CLSTN2: variants seen among roughly 807,000 people sequenced by gnomAD.
CLSTN2 encodes calsyntenin-2.
A neutral mutation model predicts 101.2 loss-of-function variants in CLSTN2; 48 were observed. The ratio of observed to expected loss-of-function variants is 0.47; its 90% CI spans 0.38 to 0.60. The LOEUF (loss-of-function observed/expected upper bound fraction) is 0.60. Among genes scored for constraint, CLSTN2 ranks in the 20% least tolerant of loss-of-function variants. The pLI, the probability that CLSTN2 is intolerant of heterozygous loss-of-function variation, is 0.00. For missense variants in CLSTN2, 1,160 were observed against 1,238.2 expected (o/e 0.94, Z 0.95); for synonymous variants, 481 against 463.6 (o/e 1.04, Z -0.48).
chr3:140,137,173 T>G (rs1447774117), intron 1 of CLSTN2, among the ~76,000 whole-genome samples: 1 of 152,142 alleles, frequency 6.6e-6, no homozygotes, highest in Non-Finnish European at 1.5e-5. Context: ...CAAAGAGAAT[T>G]CTATCTTTCT....
intron 2 of CLSTN2, among the ~76,000 whole-genome samples, chr3:140,320,160 A>G (rs1479207734): frequency 1.3e-5 from 2 of 152,306 alleles, no homozygotes; most frequent in East Asian, 3.9e-4. Context: ...GGAGCTCTGC[A>G]TGGTGCAAGC....
intron 2 of CLSTN2, among the ~76,000 whole-genome samples, chr3:140,268,623 A>C (rs376282601): frequency 6.6e-6 from 1 of 152,186 alleles, no homozygotes; most frequent in South Asian, 2.1e-4. Flanking sequence ...CATTGTGCAA[A>C]TTAGGAGAAG....
chr3:140,011,472 A>G (rs1401174446), intron 1 of CLSTN2, among the ~76,000 whole-genome samples: 1 of 152,172 alleles, frequency 6.6e-6, no homozygotes, highest in Non-Finnish European at 1.5e-5. Flanking sequence ...ACTATGTGCT[A>G]TGTGACCAGA....
intron 1 of CLSTN2, among the ~76,000 whole-genome samples, chr3:140,034,316 TG>T (rs764213677): frequency 1.1e-4 from 16 of 152,290 alleles, no homozygotes; most frequent in Non-Finnish European, 8.8e-5. Context: ...AGTAGTGCTA[TG>T]GGGAAGCAAC....
intron 8 of CLSTN2, among the ~76,000 whole-genome samples, chr3:140,504,774 T>G (rs1259563167): frequency 6.6e-6 from 1 of 152,206 alleles, no homozygotes; most frequent in Non-Finnish European, 1.5e-5. Flanking sequence ...GTATAAGGAC[T>G]ATTCCACCTT....
intron 5 of CLSTN2, among the ~76,000 whole-genome samples, chr3:140,446,906 C>T (rs912970117): frequency 6.6e-6 from 1 of 152,198 alleles, no homozygotes; most frequent in African/African-American, 2.4e-5. Flanking sequence ...CTGCCTCTCT[C>T]CCTAGGCTCC....
At chr3:140,329,390 A>G (rs1260892717) in intron 2 of CLSTN2, among the ~76,000 whole-genome samples, 1 of 152,186 alleles carries the variant, frequency 6.6e-6, no homozygotes, top group Non-Finnish European at 1.5e-5. Flanking sequence ...TCTCCTAAAT[A>G]AATAAATATA....
chr3:140,092,023 A>G (rs1228905941), intron 1 of CLSTN2, among the ~76,000 whole-genome samples: 4 of 152,194 alleles, frequency 2.6e-5, no homozygotes, highest in African/African-American at 9.6e-5. Context: ...TACAGAGAGC[A>G]GGTCCTGGGA....
chr3:140,427,246 C>CATATACAT (rs2088582686), intron 5 of CLSTN2, among the ~76,000 whole-genome samples: 1 of 109,262 alleles, frequency 9.2e-6, no homozygotes, highest in South Asian at 2.6e-4. Flanking sequence ...TATATATATA[C>CATATACAT]ATATATATAT....
rs775974055 is a variant in CLSTN2 at position 140,518,257 on chromosome 3, T to TA, written c.1345-14067_1345-14066insA. Among the ~76,000 whole-genome samples, 309 of 152,330 alleles carry TA rather than the reference T, an allele frequency of 2.0e-3. 3 individuals are homozygous for TA. The highest frequency in any genetic ancestry group is 3.5e-3 in the Admixed American group (53 of 15,308). ...AGAAAGCAAGCAGGGCTTTCAGGAT[T>TA]TATGCCTTCCCACCTGTAGCAACTT... On this transcript the variant is annotated intron_variant, in intron 8 of 16. Coordinates refer to ENST00000458420, the MANE Select transcript of CLSTN2 (RefSeq NM_022131.3).
chr3:140,221,791 T>C (rs935691897), intron 2 of CLSTN2, among the ~76,000 whole-genome samples: 1 of 152,110 alleles, frequency 6.6e-6, no homozygotes. Context: ...AGGTAGCATC[T>C]CACTCCAGTT....
intron 2 of CLSTN2, among the ~76,000 whole-genome samples, chr3:140,203,563 G>A (rs1438243349): frequency 2.2e-5 from 3 of 138,794 alleles, no homozygotes; most frequent in African/African-American, 8.0e-5. Context: ...CTTTTCCTGA[G>A]ACCACGGTGC....
At chr3:140,517,452 C>A (rs943355552) in intron 8 of CLSTN2, among the ~76,000 whole-genome samples, 4 of 152,130 alleles carry the variant, frequency 2.6e-5, no homozygotes, top group African/African-American at 7.2e-5. Flanking sequence ...TAGACTATGT[C>A]AGAGGGAGGA....
chr3:140,140,401 TGA>T (rs372472278), intron 1 of CLSTN2, among the ~76,000 whole-genome samples: 10 of 149,758 alleles, frequency 6.7e-5, no homozygotes, highest in Middle Eastern at 3.4e-3. Context: ...CATCACATGA[TGA>T]GAGAGAGAGA....
At chr3:140,198,439 G>T (rs2010676355) in intron 2 of CLSTN2, among the ~76,000 whole-genome samples, 1 of 152,122 alleles carries the variant, frequency 6.6e-6, no homozygotes, top group African/African-American at 2.4e-5. Flanking sequence ...AAAGGCTTTG[G>T]CTGGGCTGCA....
At chr3:140,303,832 C>T (rs1450968041) in intron 2 of CLSTN2, among the ~76,000 whole-genome samples, 1 of 151,768 alleles carries the variant, frequency 6.6e-6, no homozygotes, top group African/African-American at 2.4e-5. Flanking sequence ...CAGCCATGAC[C>T]AGGAATCTCA....
At chr3:140,199,580 C>T (rs1407846151) in intron 2 of CLSTN2, among the ~76,000 whole-genome samples, 2 of 152,166 alleles carry the variant, frequency 1.3e-5, no homozygotes, top group African/African-American at 2.4e-5. Context: ...CGCCCAGGCC[C>T]CTGCCCACCT....
intron 1 of CLSTN2, among the ~76,000 whole-genome samples, chr3:140,076,393 T>A (rs2008489119): frequency 6.6e-6 from 1 of 152,168 alleles, no homozygotes. Flanking sequence ...CCTGGGTTAT[T>A]TTTGACAAAC....
intron 9 of CLSTN2, among the ~76,000 whole-genome samples, chr3:140,540,011 G>A (rs899053210): frequency 2.6e-5 from 4 of 152,146 alleles, no homozygotes; most frequent in African/African-American, 9.7e-5. Context: ...AGGGGGAGGG[G>A]TGAATTTGGA....
Sources: allele counts gnomAD v4.1 joint callset (sites outside exome capture counted in the v4.1 genomes callset), GRCh38; gene constraint gnomAD v4.1.1; transcripts MANE v1.5; gene names NCBI Gene and HGNC (gene_info 2026-07-23, HGNC 2026-07-21).